CTNND2: variants seen among roughly 807,000 people sequenced by gnomAD.
CTNND2 encodes catenin delta 2, also known as catenin delta-2.
CTNND2 carries 22 observed loss-of-function variants against 144.4 expected under a neutral mutation model. The ratio of observed to expected loss-of-function variants is 0.15; its 90% CI spans 0.11 to 0.22. CTNND2 has a LOEUF of 0.22. Among genes scored for constraint, CTNND2 ranks in the 10% least tolerant of loss-of-function variants. The pLI is 1.00. For synonymous variants in CTNND2, 751 were observed against 695.6 expected, an observed-to-expected ratio of 1.08 and a Z score of -1.25; for missense variants, 1,353 against 1,618.8, an observed-to-expected ratio of 0.84 and a Z score of 2.82.
intron 3 of CTNND2, among the ~76,000 whole-genome samples, chr5:11,443,111 C>T (rs1764423217): frequency 6.6e-6 from 1 of 151,070 alleles, no homozygotes; most frequent in Non-Finnish European, 1.5e-5. Flanking sequence ...AACTGGTATA[C>T]AACACAGGTC....
At chr5:11,345,811 A>G (rs1431921462) in intron 9 of CTNND2, among the ~76,000 whole-genome samples, 2 of 152,110 alleles carry the variant, frequency 1.3e-5, no homozygotes, top group Non-Finnish European at 2.9e-5. Context: ...ACAACCACAA[A>G]AAAAAACCTC....
chr5:11,867,233 T>C (rs535305119), intron 1 of CTNND2, among the ~76,000 whole-genome samples: 7 of 152,366 alleles, frequency 4.6e-5, no homozygotes, highest in African/African-American at 1.7e-4. Context: ...CTAATTTTAT[T>C]GCATGTTAAT....
chr5:11,699,415 T>C (rs534023694), intron 2 of CTNND2, among the ~76,000 whole-genome samples: 3 of 152,136 alleles, frequency 2.0e-5, no homozygotes, highest in African/African-American at 7.2e-5. Flanking sequence ...AGGGAAGGAT[T>C]GTGGGTGAGA....
intron 1 of CTNND2, among the ~76,000 whole-genome samples, chr5:11,771,211 G>GA: frequency 8.0e-6 from 1 of 125,298 alleles, no homozygotes; most frequent in Non-Finnish European, 1.6e-5. Context: ...TTTTTTTTTG[G>GA]GATGGAGTCT....
chr5:11,724,170 T>C (rs1434454620), intron 2 of CTNND2, among the ~76,000 whole-genome samples: 1 of 115,938 alleles, frequency 8.6e-6, no homozygotes, highest in African/African-American at 2.7e-5. Flanking sequence ...TAGTTAACTA[T>C]TGAAAGGTTT....
intron 11 of CTNND2, among the ~76,000 whole-genome samples, chr5:11,185,050 CA>C (rs372102569): frequency 5.3e-4 from 81 of 152,322 alleles, no homozygotes; most frequent in African/African-American, 1.9e-3. Flanking sequence ...GTTCTCAATC[CA>C]TTCTTATTAA....
intron 3 of CTNND2, among the ~76,000 whole-genome samples, chr5:11,512,835 C>G (rs1328998165): frequency 7.2e-5 from 11 of 152,176 alleles, no homozygotes; most frequent in Non-Finnish European, 1.0e-4. Context: ...ATGGTACATT[C>G]ATTACACTGG....
intron 2 of CTNND2, among the ~76,000 whole-genome samples, chr5:11,717,476 C>A (rs1037594246): frequency 6.6e-6 from 1 of 150,678 alleles, no homozygotes; most frequent in Non-Finnish European, 1.5e-5. Flanking sequence ...ACTTGGGAGG[C>A]TGAGGTGGGA....
chr5:11,333,795 CA>C (rs1455782998), intron 9 of CTNND2, among the ~76,000 whole-genome samples: 7 of 152,260 alleles, frequency 4.6e-5, no homozygotes, highest in African/African-American at 1.7e-4. Flanking sequence ...GACTCCTCAC[CA>C]TGGGCTGTTT....
intron 9 of CTNND2, among the ~76,000 whole-genome samples, chr5:11,241,498 G>A (rs1246512652): frequency 6.6e-6 from 1 of 152,166 alleles, no homozygotes; most frequent in Non-Finnish European, 1.5e-5. Context: ...GTTGACTTCT[G>A]GTTTATTCTA....
At chr5:11,461,866 T>C (rs1766254122) in intron 3 of CTNND2, among the ~76,000 whole-genome samples, 1 of 152,156 alleles carries the variant, frequency 6.6e-6, no homozygotes, top group Admixed American at 6.5e-5. Context: ...AGGTAAATTC[T>C]GGGTAAAGCT....
At chr5:11,637,269 C>T (rs911376288) in intron 2 of CTNND2, among the ~76,000 whole-genome samples, 3 of 152,038 alleles carry the variant, frequency 2.0e-5, no homozygotes, top group Non-Finnish European at 2.9e-5. Flanking sequence ...GCCAATGAAC[C>T]GTTTGGACAA....
chr5:11,824,886 T>C (rs1027284289), intron 1 of CTNND2, among the ~76,000 whole-genome samples: 1 of 151,636 alleles, frequency 6.6e-6, no homozygotes, highest in Non-Finnish European at 1.5e-5. Context: ...CCAAACAGAG[T>C]AGGGGAACAA....
chr5:11,259,347 A>G (rs972247236), intron 9 of CTNND2, among the ~76,000 whole-genome samples: 1 of 152,146 alleles, frequency 6.6e-6, no homozygotes, highest in Non-Finnish European at 1.5e-5. Context: ...CCACGCCAAA[A>G]AAAAAGATGG....
intron 3 of CTNND2, among the ~76,000 whole-genome samples, chr5:11,483,783 A>G (rs1768520815): frequency 1.3e-5 from 2 of 152,226 alleles, no homozygotes; most frequent in African/African-American, 4.8e-5. Flanking sequence ...TGTGCTCAAC[A>G]AAGTTTAAAG....
intron 1 of CTNND2, among the ~76,000 whole-genome samples, chr5:11,886,150 T>C (rs1178697625): frequency 6.6e-6 from 1 of 151,800 alleles, no homozygotes; most frequent in Admixed American, 6.6e-5. Context: ...CCAAAATTAG[T>C]AGCAGAAAAA....
intron 1 of CTNND2, among the ~76,000 whole-genome samples, chr5:11,765,446 T>A (rs1041268118): frequency 3.3e-5 from 5 of 152,058 alleles, no homozygotes; most frequent in Non-Finnish European, 7.4e-5. Context: ...GAAAAGAACC[T>A]TAGATGATGA....
At chr5:10,977,147 T>C (rs1254482245) in intron 21 of CTNND2, among the ~76,000 whole-genome samples, 1 of 152,228 alleles carries the variant, frequency 6.6e-6, no homozygotes, top group African/African-American at 2.4e-5. Flanking sequence ...TATTTGCCTC[T>C]TCCTGGCTGG....
At chr5:11,877,614 T>G (rs564875940) in intron 1 of CTNND2, among the ~76,000 whole-genome samples, 27 of 152,258 alleles carry the variant, frequency 1.8e-4, no homozygotes, top group African/African-American at 6.5e-4. Context: ...GTATCTAATA[T>G]TGAGAAGCTT....
Sources: allele counts gnomAD v4.1 joint callset (sites outside exome capture counted in the v4.1 genomes callset), GRCh38; gene constraint gnomAD v4.1.1; transcripts MANE v1.5; gene names NCBI Gene and HGNC (gene_info 2026-07-23, HGNC 2026-07-21).